Variants in DSCAM observed in about 807,000 individuals in gnomAD.
DSCAM encodes the protein DS cell adhesion molecule, also known as cell adhesion molecule DSCAM.
A neutral mutation model predicts 217.7 loss-of-function variants in DSCAM; 47 were observed. The observed-to-expected ratio is 0.22, with a 90% CI of 0.17 to 0.28. DSCAM has a LOEUF of 0.28. Ranked by LOEUF, DSCAM falls within the 10% of genes least tolerant of loss-of-function variation. The pLI is 1.00. For missense variants in DSCAM, 2,080 were observed against 2,618.3 expected, an observed-to-expected ratio of 0.79 and a Z score of 4.49; for synonymous variants, 1,056 against 1,015.3, an observed-to-expected ratio of 1.04 and a Z score of -0.76.
intron 25 of DSCAM, 91 bp from the exon 26 acceptor site, chr21:40,079,068 G>A: frequency 6.2e-6 from 9 of 1,442,458 alleles, no homozygotes; most frequent in Non-Finnish European, 8.4e-6. Context: ...GCTTCCTCCA[G>A]CGAGGCCAGG....
chr21:40,705,946 C>A, intron 2 of DSCAM, among the ~76,000 whole-genome samples: 1 of 151,958 alleles, frequency 6.6e-6, no homozygotes, highest in East Asian at 1.9e-4. Context: ...TTTGGGAGGC[C>A]GAGGTGGGCA....
intron 3 of DSCAM, chr21:40,630,857 A>AT (rs2089682477): frequency 6.6e-6 from 1 of 152,130 alleles, no homozygotes; most frequent in Admixed American, 6.6e-5. Context: ...ATGTAATTTG[A>AT]TTTTTGAGGG....
intron 8 of DSCAM, among the ~76,000 whole-genome samples, chr21:40,323,513 TAGA>T (rs1387262878): frequency 6.6e-6 from 1 of 152,104 alleles, no homozygotes; most frequent in South Asian, 2.1e-4. Flanking sequence ...AAGGAAAAGA[TAGA>T]AGAAGAATAA....
chr21:40,104,383 A>T, intron 20 of DSCAM, among the ~76,000 whole-genome samples: 1 of 152,240 alleles, frequency 6.6e-6, no homozygotes, highest in East Asian at 1.9e-4. Context: ...TTGAAAAATG[A>T]TTTAAAGCCA....
At chr21:40,564,398 T>C (rs1460994964) in intron 3 of DSCAM, among the ~76,000 whole-genome samples, 1 of 152,136 alleles carries the variant, frequency 6.6e-6, no homozygotes, top group African/African-American at 2.4e-5. Flanking sequence ...TTTGGAGAAA[T>C]TGTTCTGACT....
At chr21:40,555,467 G>C (rs1006229479) in intron 3 of DSCAM, among the ~76,000 whole-genome samples, 1 of 152,094 alleles carries the variant, frequency 6.6e-6, no homozygotes, top group Admixed American at 6.5e-5. Context: ...TATCAAGATC[G>C]AGTAATGATA....
intron 1 of DSCAM, among the ~76,000 whole-genome samples, chr21:40,767,991 G>A (rs368274027): frequency 1.3e-5 from 2 of 151,964 alleles, no homozygotes; most frequent in Non-Finnish European, 2.9e-5. Flanking sequence ...TTCAGTGACA[G>A]GGACAAAAAG....
intron 3 of DSCAM, among the ~76,000 whole-genome samples, chr21:40,470,505 T>A (rs1285695922): frequency 6.6e-6 from 1 of 152,188 alleles, no homozygotes; most frequent in Non-Finnish European, 1.5e-5. Flanking sequence ...CTGAACAGCA[T>A]TTTGAGCCCA....
rs915823426 is a variant in DSCAM at position 40,498,614 on chromosome 21, T to C, written c.509-129369A>G. On this transcript the variant is annotated intron_variant, in intron 3 of 32. Coordinates refer to ENST00000400454, the MANE Select transcript of DSCAM (RefSeq NM_001389.5). ...ACAGTATGTGTATATATATATAATATGTATATATGCACTATGTATATATAT... is the reference window on the plus strand; with the variant it reads ...ACAGTATGTGTATATATATATAATACGTATATATGCACTATGTATATATAT... Among the ~76,000 whole-genome samples, 5 of 140,884 alleles carry C rather than the reference T, an allele frequency of 3.5e-5. No homozygotes were observed. In the Admixed American group the frequency reaches 3.7e-4, roughly 10 times the overall value. 92.4% of individuals were successfully genotyped at this position (140,884 alleles called of 152,430 possible).
intron 11 of DSCAM, among the ~76,000 whole-genome samples, chr21:40,220,028 T>C (rs1168411504): frequency 6.6e-6 from 1 of 152,258 alleles, no homozygotes; most frequent in African/African-American, 2.4e-5. Flanking sequence ...CTTAACTTTT[T>C]CTAACAAACA....
chr21:40,405,434 TG>T (rs66643961), intron 3 of DSCAM, among the ~76,000 whole-genome samples: 3,807 of 152,290 alleles, frequency 0.025, 73 homozygotes, highest in Non-Finnish European at 0.039. Context: ...CACATGGCAT[TG>T]GTCTGGGCAA....
chr21:40,335,343 T>C (rs906221754), intron 8 of DSCAM, among the ~76,000 whole-genome samples: 1 of 152,180 alleles, frequency 6.6e-6, no homozygotes, highest in African/African-American at 2.4e-5. Flanking sequence ...AAGAAGCTCC[T>C]GAAGAAAAAA....
At chr21:40,307,384 T>A (rs1340192719) in intron 9 of DSCAM, among the ~76,000 whole-genome samples, 2 of 152,148 alleles carry the variant, frequency 1.3e-5, no homozygotes, top group African/African-American at 4.8e-5. Flanking sequence ...CACAGTGAGA[T>A]ACCATCTCAC....
chr21:40,092,784 T>C (rs2089628368), intron 21 of DSCAM, among the ~76,000 whole-genome samples: 2 of 152,212 alleles, frequency 1.3e-5, no homozygotes, highest in Non-Finnish European at 2.9e-5. Flanking sequence ...CCAAAGAGTG[T>C]AATACATAAA....
chr21:40,480,133 C>A lies in DSCAM; in HGVS notation c.509-110888G>T, dbSNP rs370344520. 5.3e-5 allele frequency among the ~76,000 whole-genome samples: 8 copies of A among 152,306 alleles called. No homozygotes were observed. In the East Asian group the frequency reaches 1.4e-3, roughly 26 times the overall value. On this transcript the variant is annotated intron_variant, in intron 3 of 32. Transcript: ENST00000400454. ...AGAAATGAGGCAGAGGAAGGTCAAACGCCATTTCTCTGGGAGTCCTTGTTC... is the reference window on the plus strand; with the variant it reads ...AGAAATGAGGCAGAGGAAGGTCAAAAGCCATTTCTCTGGGAGTCCTTGTTC...
chr21:40,416,162 G>A (rs1334669051), intron 3 of DSCAM, among the ~76,000 whole-genome samples: 4 of 152,018 alleles, frequency 2.6e-5, no homozygotes, highest in African/African-American at 4.8e-5. Flanking sequence ...TTGATTTAAC[G>A]CTCTGCTTCA....
intron 3 of DSCAM, among the ~76,000 whole-genome samples, chr21:40,598,218 A>G (rs949784834): frequency 6.6e-6 from 1 of 151,990 alleles, no homozygotes; most frequent in Non-Finnish European, 1.5e-5. Flanking sequence ...GCTTTTTCAG[A>G]CTTGCTTTCC....
In DSCAM at chr21:40,231,461, C is replaced by T. The variant is rs115111051; in HGVS notation, c.2357-42223G>A. On this transcript the variant is annotated intron_variant, in intron 11 of 32. Transcript: ENST00000400454. ...AGTTTATCTCTGTCAATTCAGTTCT[C>T]TGTAAGAAAACTTGTTGATTTTCAG... is the stretch of plus-strand genomic sequence containing the variant. Among the ~76,000 whole-genome samples the T allele has an allele frequency of 6.4e-3, 971 of 152,126 alleles. 13 individuals are homozygous for T. Among genetic ancestry groups the T allele is most frequent in the African/African-American group, 0.023 (935 of 41,520 alleles).
At chr21:40,483,293 C>A (rs929490026) in intron 3 of DSCAM, among the ~76,000 whole-genome samples, 1 of 152,032 alleles carries the variant, frequency 6.6e-6, no homozygotes, top group African/African-American at 2.4e-5. Context: ...CATTTCATGT[C>A]GAATCTATTT....
Sources: gnomAD v4.1 joint callset for allele counts (sites outside exome capture counted in the v4.1 genomes callset) on GRCh38, gnomAD v4.1.1 for gene constraint, MANE v1.5 for transcripts, NCBI Gene and HGNC (gene_info 2026-07-23, HGNC 2026-07-21) for gene names.